FILIP1: variants seen among roughly 807,000 people sequenced by gnomAD.
FILIP1 encodes filamin-A-interacting protein 1.
Under a neutral mutation model 102.1 loss-of-function variants are expected in FILIP1, and 61 were observed. That is an observed-to-expected ratio of 0.60 (90% confidence interval 0.49 to 0.74). The LOEUF is 0.74. FILIP1 is among the 30% of genes least tolerant of loss of function. The pLI, the probability that FILIP1 is intolerant of heterozygous loss-of-function variation, is 0.00. For synonymous variants in FILIP1, 491 were observed against 526.9 expected (o/e 0.93, Z 0.93); for missense variants, 1,314 against 1,441.2 (o/e 0.91, Z 1.43).
At chr6:75,466,935 C>A (rs548322014) in intron 1 of FILIP1, among the ~76,000 whole-genome samples, 1 of 152,114 alleles carries the variant, frequency 6.6e-6, no homozygotes, top group Non-Finnish European at 1.5e-5. Flanking sequence ...TGGGGCTTTC[C>A]CTAGGATATC....
rs148949736 is a variant in FILIP1 at position 75,318,359 on chromosome 6, C to T, written c.630-3157G>A. On this transcript the variant is annotated intron_variant, in intron 4 of 5. Coordinates refer to ENST00000237172, the MANE Select transcript of FILIP1 (RefSeq NM_015687.5). ...CAAACTATCCTTCGACCTCAGCCTCCCAAATGGCTGGGACTACAGGCACAT... is the reference window on the plus strand; with the variant it reads ...CAAACTATCCTTCGACCTCAGCCTCTCAAATGGCTGGGACTACAGGCACAT... Among the ~76,000 whole-genome samples the T allele has an allele frequency of 7.1e-3, 1,072 of 151,750 alleles. 9 individuals are homozygous for T. The highest frequency in any genetic ancestry group is 0.021 in the Middle Eastern group (6 of 292).
chr6:75,303,298 G>T (rs1488545442), downstream of FILIP1, among the ~76,000 whole-genome samples: 1 of 152,204 alleles, frequency 6.6e-6, no homozygotes, highest in African/African-American at 2.4e-5. Flanking sequence ...ATAGAAGTTT[G>T]GGAGTCATTG....
chr6:75,343,341 T>C (rs1335963036), intron 4 of FILIP1, among the ~76,000 whole-genome samples: 1 of 152,196 alleles, frequency 6.6e-6, no homozygotes, highest in Non-Finnish European at 1.5e-5. Flanking sequence ...CAAACTAAGA[T>C]ACTCTTGGAC....
At chr6:75,301,202 ATAT>A (rs1228534594) in intron 6 of FILIP1, among the ~76,000 whole-genome samples, 2 of 152,220 alleles carry the variant, frequency 1.3e-5, no homozygotes, top group Admixed American at 6.5e-5. Context: ...ATTCATCAAA[ATAT>A]TGTTGTAAGA....
At chr6:75,451,246 A>G (rs1303495436) in intron 1 of FILIP1, among the ~76,000 whole-genome samples, 2 of 148,330 alleles carry the variant, frequency 1.3e-5, no homozygotes, top group Admixed American at 6.8e-5. Context: ...ATAAATATAT[A>G]TTTATATATT....
chr6:75,322,601 C>T (rs1773700580), intron 4 of FILIP1, among the ~76,000 whole-genome samples: 1 of 152,194 alleles, frequency 6.6e-6, no homozygotes, highest in Admixed American at 6.5e-5. Flanking sequence ...AGAACAAAGA[C>T]AAGTAAATGA....
At chr6:75,457,478 CCCTAGGCACTGAAAAGATTAT>C (rs1582537977) in intron 1 of FILIP1, among the ~76,000 whole-genome samples, 1 of 152,164 alleles carries the variant, frequency 6.6e-6, no homozygotes, top group East Asian at 1.9e-4. Context: ...AACTCAAAAT[CCCTAGGCACTGAAAAGATTAT>C]CCTTCACCCC....
intron 1 of FILIP1, among the ~76,000 whole-genome samples, chr6:75,418,141 T>C (rs991755292): frequency 6.6e-6 from 1 of 152,192 alleles, no homozygotes; most frequent in African/African-American, 2.4e-5. Flanking sequence ...GAGGTTGTAG[T>C]GAGCCGAGAT....
intron 1 of FILIP1, among the ~76,000 whole-genome samples, chr6:75,490,637 TTGTGTG>T (rs59493141): frequency 7.4e-5 from 11 of 147,904 alleles, no homozygotes; most frequent in African/African-American, 2.0e-4. Flanking sequence ...TACACAGGAT[TTGTGTG>T]TGTGTGTGTG....
At chr6:75,429,578 G>A (rs181608681) in intron 1 of FILIP1, among the ~76,000 whole-genome samples, 28 of 152,288 alleles carry the variant, frequency 1.8e-4, no homozygotes, top group Non-Finnish European at 5.9e-5. Context: ...GAGACAGGAA[G>A]TGGATTTGGG....
intron 1 of FILIP1, among the ~76,000 whole-genome samples, chr6:75,425,096 T>G (rs755036698): frequency 6.6e-6 from 1 of 152,152 alleles, no homozygotes; most frequent in Non-Finnish European, 1.5e-5. Flanking sequence ...ACAGCCTAAA[T>G]TGAAAACAGA....
In FILIP1 at chr6:75,308,583, A is replaced by G. The variant is rs76996233; in HGVS notation, c.*108T>C. 3,285 of 1,526,466 alleles carry G rather than the reference A, an allele frequency of 2.2e-3. 61 individuals are homozygous for G. The African/African-American group carries it at 0.037, about 17-fold the overall frequency. The allele number at this position is 1,526,466 out of a possible 1,614,324, so 94.6% of individuals were successfully genotyped here. ...ATTAGTTGGTTATTTTATAAACACAATATTTAAAACTTAAATTAGTACATG... is the reference window on the plus strand; with the variant it reads ...ATTAGTTGGTTATTTTATAAACACAGTATTTAAAACTTAAATTAGTACATG... On this transcript the variant is annotated 3_prime_UTR_variant, in exon 6 of 6. Transcript: ENST00000237172.
chr6:75,343,188 A>C (rs1041518227), intron 4 of FILIP1, among the ~76,000 whole-genome samples: 4 of 152,224 alleles, frequency 2.6e-5, no homozygotes, highest in Admixed American at 1.3e-4. Flanking sequence ...GGGAGAAGCC[A>C]GCCATCTACA....
intron 4 of FILIP1, among the ~76,000 whole-genome samples, chr6:75,332,334 A>C (rs993777410): frequency 6.6e-6 from 1 of 152,236 alleles, no homozygotes; most frequent in African/African-American, 2.4e-5. Context: ...TAAAATAAGA[A>C]AAAGCAGGTA....
intron 2 of FILIP1, among the ~76,000 whole-genome samples, chr6:75,397,115 T>C (rs777803025): frequency 7.9e-5 from 12 of 152,026 alleles, no homozygotes; most frequent in East Asian, 1.9e-4. Context: ...TGTATACATA[T>C]GTAACTAACC....
intron 5 of FILIP1, among the ~76,000 whole-genome samples, chr6:75,311,349 CTTT>C (rs35389881): frequency 5.7e-5 from 8 of 139,462 alleles, no homozygotes; most frequent in Non-Finnish European, 6.2e-5. Context: ...CACCCAGCTA[CTTT>C]TTTTTTTTTT....
chr6:75,415,613 G>A (rs1021015682), intron 1 of FILIP1, among the ~76,000 whole-genome samples: 6 of 150,926 alleles, frequency 4.0e-5, no homozygotes, highest in South Asian at 4.2e-4. Flanking sequence ...AAAGGGAAGA[G>A]GAGGGTGGTG....
At chr6:75,344,933 T>A (rs1316527527) in intron 4 of FILIP1, among the ~76,000 whole-genome samples, 2 of 152,138 alleles carry the variant, frequency 1.3e-5, no homozygotes, top group Admixed American at 1.3e-4. Context: ...ACATGAAAAA[T>A]TTTAAAAATG....
chr6:75,415,233 A>G (rs1021239402), intron 1 of FILIP1, among the ~76,000 whole-genome samples: 4 of 152,094 alleles, frequency 2.6e-5, no homozygotes, highest in Non-Finnish European at 5.9e-5. Flanking sequence ...TTGCTGTTAC[A>G]TAGCCCCCAT....
Sources: allele counts gnomAD v4.1 joint callset (sites outside exome capture counted in the v4.1 genomes callset), GRCh38; gene constraint gnomAD v4.1.1; transcripts MANE v1.5; gene names NCBI Gene and HGNC (gene_info 2026-07-23, HGNC 2026-07-21).